DGKB: variants seen among roughly 807,000 people sequenced by gnomAD.
The protein encoded by DGKB is diacylglycerol kinase beta, also known as 90 kDa diacylglycerol kinase.
A neutral mutation model predicts 114.3 loss-of-function variants in DGKB; 67 were observed. The ratio of observed to expected loss-of-function variants is 0.59; its 90% CI spans 0.48 to 0.72. The LOEUF is 0.72. Ranked by LOEUF, DGKB falls within the 30% of genes least tolerant of loss-of-function variation. The pLI, the probability that DGKB is intolerant of heterozygous loss-of-function variation, is 0.00. For synonymous variants in DGKB, 398 were observed against 323.1 expected, an observed-to-expected ratio of 1.23 and a Z score of -2.49; for missense variants, 907 against 975.2, an observed-to-expected ratio of 0.93 and a Z score of 0.93.
At chr7:14,902,350 A>T (rs1244922134) in intron 1 of DGKB, among the ~76,000 whole-genome samples, 3 of 152,220 alleles carry the variant, frequency 2.0e-5, no homozygotes, top group African/African-American at 7.2e-5. Flanking sequence ...GCCCAAAATC[A>T]CAATGGACAG....
intron 1 of DGKB, among the ~76,000 whole-genome samples, chr7:14,911,736 A>G (rs1364237925): frequency 6.6e-6 from 1 of 152,202 alleles, no homozygotes; most frequent in East Asian, 1.9e-4. Context: ...TCTGGGTACT[A>G]TGATCCAAAA....
intron 2 of DGKB, among the ~76,000 whole-genome samples, chr7:14,801,610 A>T (rs1487439953): frequency 6.6e-6 from 1 of 151,922 alleles, no homozygotes; most frequent in African/African-American, 2.4e-5. Flanking sequence ...TGCCTGATTG[A>T]GCTGGGACAT....
intron 15 of DGKB, among the ~76,000 whole-genome samples, chr7:14,617,376 C>T (rs1396002970): frequency 6.6e-6 from 1 of 151,530 alleles, no homozygotes; most frequent in Admixed American, 6.6e-5. Context: ...TTCTCATAAA[C>T]CCTGTAGTCA....
chr7:14,640,866 A>G (rs1811642780), intron 13 of DGKB, among the ~76,000 whole-genome samples: 2 of 152,216 alleles, frequency 1.3e-5, no homozygotes, highest in Admixed American at 1.3e-4. Context: ...GGTGGAATTT[A>G]TCCCTTAATG....
chr7:14,956,305 A>T (rs1786504991), intron 1 of DGKB, among the ~76,000 whole-genome samples: 1 of 151,916 alleles, frequency 6.6e-6, no homozygotes, highest in Non-Finnish European at 1.5e-5. Context: ...TTGCCCCTAC[A>T]ATGACTCCTA....
chr7:14,727,169 A>C (rs906963203), intron 5 of DGKB, among the ~76,000 whole-genome samples: 2 of 152,188 alleles, frequency 1.3e-5, no homozygotes, highest in Middle Eastern at 3.2e-3. Context: ...AAAATACAGA[A>C]ACTCCTGTGT....
chr7:14,780,604 T>A (rs1415671237), intron 2 of DGKB, among the ~76,000 whole-genome samples: 1 of 150,930 alleles, frequency 6.6e-6, no homozygotes, highest in Non-Finnish European at 1.5e-5. Context: ...TTAGTTTGCA[T>A]AGCATTTTGA....
At chr7:14,669,201 G>T (rs1448015049) in intron 13 of DGKB, among the ~76,000 whole-genome samples, 1 of 152,136 alleles carries the variant, frequency 6.6e-6, no homozygotes, top group Admixed American at 6.6e-5. Flanking sequence ...TACACAGATT[G>T]TTCCTTTTAA....
chr7:14,661,532 A>G (rs1419543396), intron 13 of DGKB, among the ~76,000 whole-genome samples: 4 of 150,158 alleles, frequency 2.7e-5, no homozygotes, highest in African/African-American at 7.3e-5. Context: ...TTAGAATGGC[A>G]ATCATTAAAA....
intron 18 of DGKB, among the ~76,000 whole-genome samples, chr7:14,582,768 C>T (rs1800140871): frequency 6.6e-6 from 1 of 152,110 alleles, no homozygotes; most frequent in Non-Finnish European, 1.5e-5. Flanking sequence ...GTCTGGGGCA[C>T]ACAAACAATC....
intron 23 of DGKB, among the ~76,000 whole-genome samples, chr7:14,336,075 C>A (rs1810597931): frequency 1.3e-5 from 2 of 152,082 alleles, no homozygotes; most frequent in African/African-American, 4.8e-5. Flanking sequence ...AAATTGAAAA[C>A]AAAATCAAGT....
chr7:14,404,073 C>T (rs1176433913), intron 21 of DGKB, among the ~76,000 whole-genome samples: 1 of 151,574 alleles, frequency 6.6e-6, no homozygotes, highest in Non-Finnish European at 1.5e-5. Context: ...AAGTGGGTCA[C>T]TTTCAGGCCA....
chr7:14,582,695 C>T (rs1016869096), intron 18 of DGKB, among the ~76,000 whole-genome samples: 5 of 152,120 alleles, frequency 3.3e-5, no homozygotes, highest in South Asian at 2.1e-4. Flanking sequence ...GTTTTAAAAA[C>T]GTAAGCACAT....
At chr7:14,654,217 A>G (rs1815288763) in intron 13 of DGKB, among the ~76,000 whole-genome samples, 1 of 152,096 alleles carries the variant, frequency 6.6e-6, no homozygotes, top group African/African-American at 2.4e-5. Flanking sequence ...ATACAAAAAA[A>G]TCAGTAGCAT....
intron 6 of DGKB, among the ~76,000 whole-genome samples, chr7:14,702,165 C>G (rs1300403826): frequency 1.3e-5 from 2 of 152,050 alleles, no homozygotes; most frequent in African/African-American, 4.8e-5. Flanking sequence ...TGGTCAAAAA[C>G]TTTTCTTTAT....
intron 17 of DGKB, among the ~76,000 whole-genome samples, chr7:14,602,788 A>G (rs1274246675): frequency 6.6e-6 from 1 of 152,232 alleles, no homozygotes; most frequent in Non-Finnish European, 1.5e-5. Context: ...CAGCCAGAAC[A>G]GAATAAAACA....
At chr7:14,232,661 A>G (rs1039315405) in intron 23 of DGKB, among the ~76,000 whole-genome samples, 6 of 152,030 alleles carry the variant, frequency 3.9e-5, no homozygotes, top group Admixed American at 2.0e-4. Flanking sequence ...TCAGAAAGCA[A>G]AAAAACTAAC....
chr7:14,933,607 C>A (rs1461302943), intron 1 of DGKB, among the ~76,000 whole-genome samples: 1 of 152,074 alleles, frequency 6.6e-6, no homozygotes. Context: ...CTCTGCAGTC[C>A]TCAGAATTTA....
intron 1 of DGKB, among the ~76,000 whole-genome samples, chr7:14,890,996 T>A: frequency 6.6e-6 from 1 of 151,378 alleles, no homozygotes; most frequent in East Asian, 1.9e-4. Flanking sequence ...CATTATTGAG[T>A]ATTATCTCCA....
Sources: gnomAD v4.1 joint callset for allele counts (sites outside exome capture counted in the v4.1 genomes callset) on GRCh38, gnomAD v4.1.1 for gene constraint, MANE v1.5 for transcripts, NCBI Gene and HGNC (gene_info 2026-07-23, HGNC 2026-07-21) for gene names.